GGT1: variants seen among roughly 807,000 people sequenced by gnomAD.
The protein encoded by GGT1 is gamma-glutamyltransferase 1.
In GGT1, 21 loss-of-function variants were observed where a neutral mutation model predicts 56.0. The observed-to-expected ratio is 0.38, with a 90% CI of 0.27 to 0.54. The LOEUF (loss-of-function observed/expected upper bound fraction) is 0.54. Among genes scored for constraint, GGT1 ranks in the 20% least tolerant of loss-of-function variants. The probability of loss-of-function intolerance (pLI) is 0.82; values close to 1 mark genes in which losing one functional copy is unlikely to be tolerated. For missense variants in GGT1, 466 were observed against 787.0 expected (o/e 0.59, Z 4.88); for synonymous variants, 238 against 342.6 (o/e 0.69, Z 3.37).
intron 1 of GGT1, among the ~76,000 whole-genome samples, chr22:24,595,412 G>A (rs73404955): frequency 0.036 from 5,468 of 152,304 alleles, 328 homozygotes; most frequent in African/African-American, 0.12. Flanking sequence ...TCTTCACGGA[G>A]GGCTGCTGGC....
At chr22:24,601,785 G>A (rs902648339), upstream of GGT1, among the ~76,000 whole-genome samples, 5 of 152,256 alleles carry the variant, frequency 3.3e-5, no homozygotes, top group Non-Finnish European at 7.3e-5. Context: ...CCCGCCCCGG[G>A]CTGTGTTGGC....
At chr22:24,586,286 G>C in the GGT1 span, 2 of 1,613,974 alleles carry the variant, frequency 1.2e-6, no homozygotes, top group Non-Finnish European at 1.7e-6. Context: ...GTCCAGCACC[G>C]CCAGCACAGC....
chr22:24,619,983 C>T (rs2147446002), intron 7 of GGT1, among the ~76,000 whole-genome samples: 1 of 146,670 alleles, frequency 6.8e-6, no homozygotes, highest in South Asian at 2.2e-4. Flanking sequence ...CCTGCTGAGC[C>T]CCTCCTAAAA....
chr22:24,617,554 G>C (rs1218023152), intron 7 of GGT1, among the ~76,000 whole-genome samples: 1 of 152,092 alleles, frequency 6.6e-6, no homozygotes, highest in Admixed American at 6.6e-5. Flanking sequence ...CTGTGGATTT[G>C]AGGATGGGTT....
upstream of GGT1, chr22:24,593,219 G>A (rs888232669): frequency 9.4e-6 from 5 of 533,798 alleles, no homozygotes; most frequent in African/African-American, 2.1e-5. Context: ...GGTTTGGCCT[G>A]ATCACACTGG....
At chr22:24,618,532 A>G (rs540379402) in intron 7 of GGT1, among the ~76,000 whole-genome samples, 1 of 152,380 alleles carries the variant, frequency 6.6e-6, no homozygotes, top group East Asian at 1.9e-4. Flanking sequence ...CGGAGGTTGT[A>G]GTGAGCTGAG....
upstream of GGT1, chr22:24,589,959 G>C: frequency 6.3e-7 from 1 of 1,578,928 alleles, no homozygotes; most frequent in Non-Finnish European, 8.6e-7. Flanking sequence ...CCTGTGAGTG[G>C]TGAAGAGAGA....
rs1373892472 is a variant in GGT1, at chr22:24,618,891, T to A, written c.383-1437T>A. Among the ~76,000 whole-genome samples, 45 of 152,172 alleles carry A rather than the reference T, an allele frequency of 3.0e-4. No homozygotes were observed. In the South Asian group the frequency reaches 3.3e-3, roughly 11 times the overall value. On this transcript the variant is annotated intron_variant, in intron 7 of 15. Transcript: ENST00000400382. The stretch of plus-strand genomic sequence containing the variant: ...CAAAGGGTCAGTGTCTGTAGTGTCC[T>A]TATGGGCAGCGGGGCTCAGGGGGGA...
intron 2 of GGT1, among the ~76,000 whole-genome samples, chr22:24,608,294 T>C (rs1400628433): frequency 7.2e-5 from 11 of 152,184 alleles, no homozygotes. Context: ...TGACCTGCCC[T>C]GGGAGGAAGG....
chr22:24,625,651 C>G (rs958951536), intron 11 of GGT1, among the ~76,000 whole-genome samples: 1 of 151,904 alleles, frequency 6.6e-6, no homozygotes, highest in Non-Finnish European at 1.5e-5. Context: ...ACGCCATTCT[C>G]CTGCCTCAGC....
chr22:24,592,917 C>T, upstream of GGT1: 1 of 1,271,862 alleles, frequency 7.9e-7, no homozygotes, highest in Non-Finnish European at 9.9e-7. Context: ...GCTCGCGGAG[C>T]GTGGACTGGA....
chr22:24,606,394 T>G (rs2046326720), intron 1 of GGT1, among the ~76,000 whole-genome samples: 1 of 152,102 alleles, frequency 6.6e-6, no homozygotes, highest in African/African-American at 2.4e-5. Flanking sequence ...ATGTCTTATA[T>G]GCTCTCAGGC....
the GGT1 span, chr22:24,585,917 C>G: frequency 6.2e-7 from 1 of 1,603,782 alleles, no homozygotes; most frequent in Non-Finnish European, 8.5e-7. Flanking sequence ...GGGCTCGGGT[C>G]CCAGCCCAGC....
upstream of GGT1, chr22:24,594,693 A>G (rs1278997926): frequency 6.6e-6 from 1 of 152,342 alleles, no homozygotes; most frequent in African/African-American, 2.4e-5. Context: ...CAGTGCAGCC[A>G]GCATTGTCCT....
intron 11 of GGT1, 79 bp downstream of exon 11, chr22:24,623,995 G>A: frequency 1.3e-6 from 2 of 1,585,522 alleles, no homozygotes; most frequent in South Asian, 2.3e-5. Context: ...GGTGGCTACA[G>A]CCTCACATAT....
chr22:24,590,057 C>G, upstream of GGT1: 1 of 1,284,578 alleles, frequency 7.8e-7, no homozygotes, highest in Non-Finnish European at 1.0e-6. Context: ...TCTCCATCTC[C>G]TCCCTAAGGC....
chr22:24,586,295 G>A, the GGT1 span: 6 of 1,614,004 alleles, frequency 3.7e-6, no homozygotes, highest in Non-Finnish European at 5.1e-6. Flanking sequence ...CGCCAGCACA[G>A]CACCATGGCT....
intron 2 of GGT1, among the ~76,000 whole-genome samples, chr22:24,608,666 A>G (rs1349509674): frequency 6.6e-6 from 1 of 151,730 alleles, no homozygotes; most frequent in Admixed American, 6.6e-5. Context: ...GTTTTTTTGC[A>G]TTTTTTTTGA....
In GGT1 at chr22:24,620,993, C is replaced by T. The variant is rs559769603; in HGVS notation, c.656C>T (p.Thr219Met). ...TLPQLADTYE[T>M]LAIEGAQAFY... is the part of the protein sequence containing the mutation. Reference sequence around the variant, plus strand: ...CCGCAGCTGGCTGACACCTACGAGACGCTGGCCATCGAGGGTGCCCAGGCC... The same window carrying T: ...CCGCAGCTGGCTGACACCTACGAGATGCTGGCCATCGAGGGTGCCCAGGCC... Residue 219 changes from threonine to methionine, a missense_variant, in exon 9 of 16, where the codon ACG becomes ATG. Physicochemically the swap from Thr to Met is moderately conservative, Grantham distance 81 (BLOSUM62 -1). Transcript: ENST00000400382. The surrounding 1 kb of genome is among the most constrained non-coding windows in gnomAD (Gnocchi z 5.6). The T allele has an allele frequency of 2.8e-5, 45 of 1,611,634 alleles. No homozygotes were observed. In the East Asian group the frequency reaches 5.6e-4, roughly 20 times the overall value.
Sources: gnomAD v4.1 joint callset for allele counts (sites outside exome capture counted in the v4.1 genomes callset) on GRCh38, gnomAD v4.1.1 for gene constraint, Gnocchi (gnomAD v3.1) non-coding constraint, MANE v1.5 for transcripts, NCBI Gene and HGNC (gene_info 2026-07-23, HGNC 2026-07-21) for gene names.